The following RIC1 variants were observed in gnomAD, a reference collection of about 807,000 sequenced individuals.
RIC1 encodes RIC1 partner of RAB6A GEF complex.
Under a neutral mutation model 169.0 loss-of-function variants are expected in RIC1, and 88 were observed. The ratio of observed to expected loss-of-function variants is 0.52; its 90% CI spans 0.44 to 0.62. The LOEUF (loss-of-function observed/expected upper bound fraction) is 0.62. Among genes scored for constraint, RIC1 ranks in the 20% least tolerant of loss-of-function variants. The pLI is 0.00. For synonymous variants in RIC1, 790 were observed against 601.5 expected (o/e 1.31, Z -4.59); for missense variants, 1,877 against 1,725.5 (o/e 1.09, Z -1.56).
intron 2 of RIC1, among the ~76,000 whole-genome samples, chr9:5,669,047 G>A (rs1314231654): frequency 1.3e-5 from 2 of 152,092 alleles, no homozygotes; most frequent in African/African-American, 4.8e-5. Flanking sequence ...GAGATTGCTG[G>A]GGTTCTGCTC....
At chr9:5,772,413 T>C (rs1246433284) in intron 23 of RIC1, 151 bp from the exon 24 acceptor site, 3 of 604,364 alleles carry the variant, frequency 5.0e-6, no homozygotes, top group African/African-American at 3.7e-5. Flanking sequence ...AAATGTTTTC[T>C]ATGTTCACAT....
chr9:5,710,401 G>A (rs376000153), intron 3 of RIC1, among the ~76,000 whole-genome samples: 8 of 152,110 alleles, frequency 5.3e-5, no homozygotes, highest in East Asian at 1.9e-4. Flanking sequence ...TGTCTTTCAC[G>A]CTTTGATATC....
At chr9:5,716,600 CTG>C (rs1308862242) in intron 4 of RIC1, among the ~76,000 whole-genome samples, 1 of 152,178 alleles carries the variant, frequency 6.6e-6, no homozygotes, top group Admixed American at 6.5e-5. Context: ...GCAACAGAGA[CTG>C]TGTCTCAAAA....
intron 2 of RIC1, among the ~76,000 whole-genome samples, chr9:5,666,024 C>T (rs1425324704): frequency 1.3e-5 from 2 of 152,158 alleles, no homozygotes; most frequent in Non-Finnish European, 2.9e-5. Context: ...ACAGGCTGGA[C>T]TGATTGAGAA....
chr9:5,750,123 T>C (rs1279090220), intron 12 of RIC1, among the ~76,000 whole-genome samples: 3 of 151,778 alleles, frequency 2.0e-5, no homozygotes, highest in African/African-American at 7.3e-5. Flanking sequence ...TTAAAAAGTT[T>C]TTTCTTACCT....
At chr9:5,702,933 G>A (rs1021121941) in intron 3 of RIC1, among the ~76,000 whole-genome samples, 2 of 152,140 alleles carry the variant, frequency 1.3e-5, no homozygotes, top group African/African-American at 4.8e-5. Context: ...TCATGATCCA[G>A]TCACCTCCCA....
At position 5,738,374 on chromosome 9, in the gene RIC1, C is replaced by T. The variant is rs1002240854; in HGVS notation, c.813-76C>T. 5.0e-6 allele frequency: 5 copies of T among 997,368 alleles called. No homozygotes were observed. The African/African-American group carries it at 8.4e-5, about 17-fold the overall frequency. 61.8% of individuals were successfully genotyped at this position (997,368 alleles called of 1,614,324 possible). A position where few individuals can be genotyped will look rare whatever the true frequency, so the allele number is the denominator to read the frequency against. Reference sequence around the variant, plus strand: ...CTAGTTTACACTCCCACCAGCAAAACATAAGAGTTCTATAATGCTTTTTCT... The same window carrying T: ...CTAGTTTACACTCCCACCAGCAAAATATAAGAGTTCTATAATGCTTTTTCT... On this transcript the variant is annotated intron_variant, in intron 7 of 25. Transcript: ENST00000414202.
intron 3 of RIC1, among the ~76,000 whole-genome samples, chr9:5,695,892 G>T (rs1271226622): frequency 6.6e-6 from 1 of 151,986 alleles, no homozygotes; most frequent in African/African-American, 2.4e-5. Context: ...CTTAATGTCA[G>T]ATTCATGTCT....
Position 5,756,344 on chromosome 9 carries a change from C to A in RIC1, c.1825C>A (p.Leu609Ile). 1 of 1,536,428 alleles carries A rather than the reference C, an allele frequency of 6.5e-7. No homozygotes were observed. Among genetic ancestry groups the A allele is most frequent in the Non-Finnish European group, 8.8e-7 (1 of 1,132,990 alleles). ...ATTTAGAGCAGACTGTTCAATATGCCTTTACAGTATTGAAAGAAAATCTGA... is the reference window on the plus strand; with the variant it reads ...ATTTAGAGCAGACTGTTCAATATGCATTTACAGTATTGAAAGAAAATCTGA... ...IVFRADCSIC[L>I]YSIERKSDGP... Residue 609 changes from leucine (L) to isoleucine (I), a missense_variant, in exon 16 of 26, where the codon CTT becomes ATT. This residue lies in a region of RIC1 where 1,104 missense variants were observed against 992.0 expected (regional missense o/e 1.11). Coordinates refer to ENST00000414202, the MANE Select transcript of RIC1 (RefSeq NM_020829.4).
intron 7 of RIC1, among the ~76,000 whole-genome samples, chr9:5,736,041 G>A (rs1563937443): frequency 6.6e-6 from 1 of 152,194 alleles, no homozygotes; most frequent in Non-Finnish European, 1.5e-5. Flanking sequence ...AAGAATACAA[G>A]CACTATAGAA....
In RIC1 at chr9:5,765,770, A is replaced by C. The variant is rs1826690882; in HGVS notation, c.3109A>C (p.Ser1037Arg). 1 of 1,614,206 alleles carries C rather than the reference A, an allele frequency of 6.2e-7. No individual in the cohort carries two copies. The highest frequency in any genetic ancestry group is 8.5e-7 in the Non-Finnish European group (1 of 1,179,994). Residue 1037 changes from serine to arginine, a missense_variant, in exon 21 of 26, where the codon AGT becomes CGT. Ser to Arg is a moderately radical substitution (Grantham distance 110). Coordinates refer to ENST00000414202, the MANE Select transcript of RIC1 (RefSeq NM_020829.4). Reference sequence around the variant, plus strand: ...TAAATTCAGTTTACAGAAAACACTAAGTATGCCATCTGGTCCCTCTGGAAA... The same window carrying C: ...TAAATTCAGTTTACAGAAAACACTACGTATGCCATCTGGTCCCTCTGGAAA... ...ASKFSLQKTL[S>R]MPSGPSGKRW...
chr9:5,752,903 G>GCACC (rs1825807478), intron 12 of RIC1, among the ~76,000 whole-genome samples: 4 of 152,102 alleles, frequency 2.6e-5, no homozygotes, highest in Admixed American at 1.3e-4. Flanking sequence ...GCCCTCACAG[G>GCACC]TGCCTTCTCT....
chr9:5,763,905 T>C lies in RIC1; in HGVS notation c.2841+37T>C. 6.4e-7 allele frequency: 1 copy of C among 1,568,118 alleles called. No individual in the cohort carries two copies. Among genetic ancestry groups the C allele is most frequent in the Non-Finnish European group, 8.7e-7 (1 of 1,154,990 alleles). ...CTTCTTATAAAGGGGCAAGAATTAA[T>C]GAGCTTAAACTTAGAAAAATAGAAA... On this transcript the variant is annotated intron_variant, in intron 19 of 25. Transcript: ENST00000414202. The surrounding 1 kb of genome is among the most constrained non-coding windows in gnomAD (Gnocchi z 5.2).
At chr9:5,663,144 G>A (rs754375899) in intron 2 of RIC1, among the ~76,000 whole-genome samples, 2 of 152,170 alleles carry the variant, frequency 1.3e-5, no homozygotes, top group African/African-American at 2.4e-5. Context: ...GGTTTTGAGT[G>A]AATTTCTTAA....
At chr9:5,693,280 C>T (rs887607891) in intron 3 of RIC1, among the ~76,000 whole-genome samples, 3 of 152,124 alleles carry the variant, frequency 2.0e-5, no homozygotes, top group Admixed American at 1.3e-4. Flanking sequence ...AGTATCTTAA[C>T]TTCCCTGTAT....
At chr9:5,765,613 C>T in intron 20 of RIC1, 41 bp downstream of exon 20, 1 of 1,613,920 alleles carries the variant, frequency 6.2e-7, no homozygotes, top group Non-Finnish European at 8.5e-7. Context: ...GGCCATACAC[C>T]CACGTAGCAT....
chr9:5,635,982 G>A (rs997291691), intron 1 of RIC1, among the ~76,000 whole-genome samples: 4 of 152,206 alleles, frequency 2.6e-5, no homozygotes, highest in Non-Finnish European at 4.4e-5. Context: ...CTAACACACA[G>A]GTAATGTGAC....
At chr9:5,765,890 C>T in intron 21 of RIC1, 92 bp downstream of exon 21, 1 of 1,442,396 alleles carries the variant, frequency 6.9e-7, no homozygotes, top group Admixed American at 2.0e-5. Context: ...ATGGAAACAA[C>T]TATTTAATCC....
At chr9:5,661,873 T>C (rs1819471470) in intron 2 of RIC1, among the ~76,000 whole-genome samples, 2 of 152,314 alleles carry the variant, frequency 1.3e-5, no homozygotes, top group Middle Eastern at 6.8e-3. Context: ...CTATGTTGAA[T>C]AGGACTGGTG....
Sources: gnomAD v4.1 joint callset for allele counts (sites outside exome capture counted in the v4.1 genomes callset) on GRCh38, gnomAD v4.1.1 for gene constraint, gnomAD v4.1.1 regional missense constraint, Gnocchi (gnomAD v3.1) non-coding constraint, MANE v1.5 for transcripts, NCBI Gene and HGNC (gene_info 2026-07-23, HGNC 2026-07-21) for gene names.